PHF21A: variants seen among roughly 807,000 people sequenced by gnomAD.
The protein encoded by PHF21A is PHD finger protein 21A.
Under a neutral mutation model 82.5 loss-of-function variants are expected in PHF21A, and 11 were observed. The observed-to-expected ratio is 0.13, with a 90% CI of 0.08 to 0.22. PHF21A has a LOEUF of 0.22. PHF21A is among the 10% of genes least tolerant of loss of function. PHF21A has a pLI of 1.00. For missense variants in PHF21A, 579 were observed against 837.8 expected, an observed-to-expected ratio of 0.69 and a Z score of 3.81; for synonymous variants, 297 against 302.8, an observed-to-expected ratio of 0.98 and a Z score of 0.20.
At chr11:46,018,096 A>C (rs2095553190) in intron 6 of PHF21A, among the ~76,000 whole-genome samples, 2 of 151,748 alleles carry the variant, frequency 1.3e-5, no homozygotes, top group Admixed American at 1.3e-4. Flanking sequence ...TAAAAATACA[A>C]AAAATTAGCC....
At chr11:45,995,283 G>T (rs2094865289) in intron 6 of PHF21A, among the ~76,000 whole-genome samples, 2 of 152,116 alleles carry the variant, frequency 1.3e-5, no homozygotes, top group Non-Finnish European at 2.9e-5. Flanking sequence ...TTTAGGAAAA[G>T]AAAATGGAAC....
At chr11:46,015,280 C>T (rs944760771) in intron 6 of PHF21A, among the ~76,000 whole-genome samples, 1 of 152,126 alleles carries the variant, frequency 6.6e-6, no homozygotes, top group African/African-American at 2.4e-5. Flanking sequence ...AATATTTTCT[C>T]CCATTCTGTA....
chr11:46,073,525 GAA>G (rs1002808913), intron 6 of PHF21A, among the ~76,000 whole-genome samples: 3 of 152,040 alleles, frequency 2.0e-5, no homozygotes, highest in African/African-American at 7.3e-5. Context: ...GGAGCATTTA[GAA>G]AATATACATA....
intron 11 of PHF21A, 62 bp from the exon 12 acceptor site, chr11:45,950,319 A>C: frequency 7.0e-7 from 1 of 1,424,920 alleles, no homozygotes; most frequent in Non-Finnish European, 9.9e-7. Flanking sequence ...GCCAATTGCC[A>C]GTTCCTAGTA....
intron 7 of PHF21A, among the ~76,000 whole-genome samples, chr11:45,972,853 G>A (rs971506546): frequency 6.6e-6 from 1 of 152,170 alleles, no homozygotes; most frequent in African/African-American, 2.4e-5. Flanking sequence ...GGCGGAGGTT[G>A]CAGTGAGCAG....
chr11:45,965,612 T>C lies in PHF21A; in HGVS notation c.703-4A>G, dbSNP rs2093386983. ...GGGCCACAGGCTTGGGTCGAACCTA[T>C]AGGGGAAAGAGAGAATAATTATTGT... On this transcript the variant is annotated splice_polypyrimidine_tract_variant and splice_region_variant and intron_variant, in intron 9 of 18. Transcript: ENST00000676320. The C allele has an allele frequency of 5.9e-6, 9 of 1,528,656 alleles. No individual in the cohort carries two copies. Among genetic ancestry groups the C allele is most frequent in the Admixed American group, 2.1e-5 (1 of 47,116 alleles). 94.7% of individuals were successfully genotyped at this position (1,528,656 alleles called of 1,614,324 possible). A position where few individuals can be genotyped will look rare whatever the true frequency, so the allele number is the denominator to read the frequency against.
At chr11:46,008,971 CTTTTTTTTTTTT>C (rs368337006) in intron 6 of PHF21A, among the ~76,000 whole-genome samples, 5 of 111,584 alleles carry the variant, frequency 4.5e-5, no homozygotes, top group African/African-American at 1.1e-4. Flanking sequence ...TCACATTTCA[CTTTTTTTTTTTT>C]TTTTTTTTTT....
intron 1 of PHF21A, among the ~76,000 whole-genome samples, chr11:46,108,625 A>C (rs2097178062): frequency 6.6e-6 from 1 of 150,838 alleles, no homozygotes; most frequent in African/African-American, 2.4e-5. Flanking sequence ...GTTTAAAAGT[A>C]GGATGAGAAC....
rs536538529 is a variant in PHF21A, at chr11:46,085,692, T to C, written c.-83-1390A>G. On this transcript the variant is annotated intron_variant, in intron 3 of 18. Transcript: ENST00000676320. The stretch of plus-strand genomic sequence containing the variant: ...CCTTAAACCAATACAATAAGATTCA[T>C]GATCTTCATATTTCTAAATATTATT... 1.4e-4 allele frequency among the ~76,000 whole-genome samples: 22 copies of C among 152,332 alleles called. No homozygotes were observed. In the South Asian group the frequency reaches 4.3e-3, roughly 30 times the overall value.
chr11:46,108,573 A>C (rs2097177028), intron 1 of PHF21A, among the ~76,000 whole-genome samples: 1 of 136,676 alleles, frequency 7.3e-6, no homozygotes, highest in African/African-American at 2.6e-5. Flanking sequence ...GTGTGTATAT[A>C]TATATATATA....
rs185833518 is a variant in PHF21A at position 46,038,229 on chromosome 11, C to T, written c.153+38525G>A. Among the ~76,000 whole-genome samples, 765 of 151,984 alleles carry T rather than the reference C, an allele frequency of 5.0e-3. 2 individuals carry two copies. The highest frequency in any genetic ancestry group is 8.2e-3 in the Non-Finnish European group (557 of 67,968). On this transcript the variant is annotated intron_variant, in intron 6 of 18. Coordinates refer to ENST00000676320, the MANE Select transcript of PHF21A (RefSeq NM_001352027.3). ...GCAACCTCTGCCTCCCAGTTTCAAG[C>T]GATTCTCCTGCCTCAGCCTCCTGAG...
intron 6 of PHF21A, among the ~76,000 whole-genome samples, chr11:46,034,071 A>G (rs1399507284): frequency 6.6e-6 from 1 of 152,228 alleles, no homozygotes; most frequent in Non-Finnish European, 1.5e-5. Flanking sequence ...AAGTAAAATG[A>G]TATCTCACTG....
At chr11:46,106,678 C>T (rs1402264499) in intron 1 of PHF21A, among the ~76,000 whole-genome samples, 1 of 152,220 alleles carries the variant, frequency 6.6e-6, no homozygotes, top group African/African-American at 2.4e-5. Context: ...AACATGCATG[C>T]TGCATACTCC....
chr11:45,946,008 A>G lies in PHF21A; in HGVS notation c.1289-5T>C, dbSNP rs375367359. ...CATTGTATTTTGGAGGACGACCTAT[A>G]TACCAAGAGAAGGGAACAAAAGGGA... On this transcript the variant is annotated splice_region_variant and splice_polypyrimidine_tract_variant and intron_variant, in intron 14 of 18. Coordinates refer to ENST00000676320, the MANE Select transcript of PHF21A (RefSeq NM_001352027.3). 1 of 1,613,930 alleles carries G rather than the reference A, an allele frequency of 6.2e-7. No individual in the cohort carries two copies. The highest frequency in any genetic ancestry group is 1.3e-5 in the African/African-American group (1 of 74,904).
chr11:45,966,553 C>CACTA (rs2135959457), intron 9 of PHF21A, among the ~76,000 whole-genome samples: 1 of 152,346 alleles, frequency 6.6e-6, no homozygotes, highest in East Asian at 1.9e-4. Flanking sequence ...TTCTACCACT[C>CACTA]ACTAGCTGTG....
intron 7 of PHF21A, among the ~76,000 whole-genome samples, chr11:45,972,595 T>C (rs1167107588): frequency 6.6e-6 from 1 of 152,148 alleles, no homozygotes; most frequent in African/African-American, 2.4e-5. Context: ...CTGGTCAACA[T>C]GGCGAAAGCC....
At chr11:46,102,877 A>G (rs1171115519) in intron 1 of PHF21A, among the ~76,000 whole-genome samples, 1 of 152,222 alleles carries the variant, frequency 6.6e-6, no homozygotes, top group African/African-American at 2.4e-5. Context: ...AAAAACTAAT[A>G]ATTACAACAG....
At chr11:46,042,220 CACATGACAAA>C (rs2096160335) in intron 6 of PHF21A, among the ~76,000 whole-genome samples, 1 of 152,196 alleles carries the variant, frequency 6.6e-6, no homozygotes, top group Non-Finnish European at 1.5e-5. Context: ...GTGGGAAAGC[CACATGACAAA>C]ACATATTCCT....
intron 1 of PHF21A, among the ~76,000 whole-genome samples, chr11:46,113,995 C>T (rs1187525223): frequency 6.6e-6 from 1 of 151,902 alleles, no homozygotes; most frequent in Non-Finnish European, 1.5e-5. Context: ...GCACACACCC[C>T]ATCACAAAAA....
Sources: allele counts gnomAD v4.1 joint callset (sites outside exome capture counted in the v4.1 genomes callset), GRCh38; gene constraint gnomAD v4.1.1; transcripts MANE v1.5; gene names NCBI Gene and HGNC (gene_info 2026-07-23, HGNC 2026-07-21).